The following COMMD10 variants were observed in gnomAD, a reference collection of about 807,000 sequenced individuals.
The protein encoded by COMMD10 is COMM domain containing 10, also known as COMM domain-containing protein 10.
A neutral mutation model predicts 28.9 loss-of-function variants in COMMD10; 33 were observed. The observed-to-expected ratio is 1.14, with a 90% CI of 0.87 to 1.53. The LOEUF is 1.53. Among genes scored for constraint, COMMD10 ranks in the 40% most tolerant of loss-of-function variants. COMMD10 has a pLI of 0.00. For synonymous variants in COMMD10, 110 were observed against 81.7 expected (o/e 1.35, Z -1.87); for missense variants, 310 against 233.4 (o/e 1.33, Z -2.14).
intron 5 of COMMD10, among the ~76,000 whole-genome samples, chr5:116,191,949 C>T (rs969069291): frequency 2.4e-4 from 36 of 150,144 alleles, no homozygotes; most frequent in African/African-American, 7.6e-4. Flanking sequence ...CTGGTATCTA[C>T]GGAGAAGAGA....
At chr5:116,256,537 G>T (rs1482492526) in intron 5 of COMMD10, among the ~76,000 whole-genome samples, 1 of 151,606 alleles carries the variant, frequency 6.6e-6, no homozygotes, top group Non-Finnish European at 1.5e-5. Context: ...TCAAGGATGG[G>T]CATTTTTCTC....
intron 4 of COMMD10, among the ~76,000 whole-genome samples, chr5:116,128,767 A>G (rs973041705): frequency 6.6e-6 from 1 of 151,988 alleles, no homozygotes; most frequent in Admixed American, 6.6e-5. Flanking sequence ...CTTTTAGGAC[A>G]TTGATATTTC....
rs904202171 is a variant in COMMD10, at chr5:116,152,472, C to T, written c.510+18294C>T. The stretch of plus-strand genomic sequence containing the variant: ...AAAATCTGGCTACTATATCATCATC[C>T]TCAATTTTAATACTTTGTATTTACT... On this transcript the variant is annotated intron_variant, in intron 5 of 6. Coordinates refer to ENST00000274458, the MANE Select transcript of COMMD10 (RefSeq NM_016144.4). Among the ~76,000 whole-genome samples the T allele has an allele frequency of 2.6e-5, 4 of 152,114 alleles. No individual in the cohort carries two copies. The East Asian group carries it at 5.8e-4, about 22-fold the overall frequency.
chr5:116,217,871 C>T (rs1749146622), intron 5 of COMMD10, among the ~76,000 whole-genome samples: 1 of 151,722 alleles, frequency 6.6e-6, no homozygotes, highest in Non-Finnish European at 1.5e-5. Context: ...GCCCCTTCCC[C>T]ACAAAACAAC....
At chr5:116,195,321 C>T (rs191923078) in intron 5 of COMMD10, among the ~76,000 whole-genome samples, 1 of 152,158 alleles carries the variant, frequency 6.6e-6, no homozygotes, top group Non-Finnish European at 1.5e-5. Context: ...CCAGAGCAGT[C>T]AGACAAGAGA....
At chr5:116,107,692 A>C (rs554662783) in intron 4 of COMMD10, among the ~76,000 whole-genome samples, 1 of 152,078 alleles carries the variant, frequency 6.6e-6, no homozygotes, top group Admixed American at 6.6e-5. Context: ...CAGTTCGTCA[A>C]ACTCGTTCTC....
chr5:116,245,103 GAA>G (rs2112667197), intron 5 of COMMD10, among the ~76,000 whole-genome samples: 1 of 150,806 alleles, frequency 6.6e-6, no homozygotes, highest in African/African-American at 2.4e-5. Flanking sequence ...TAATAAAGAA[GAA>G]AAGAGAATAT....
At chr5:116,118,025 G>T (rs919552690) in intron 4 of COMMD10, among the ~76,000 whole-genome samples, 1 of 152,102 alleles carries the variant, frequency 6.6e-6, no homozygotes, top group Non-Finnish European at 1.5e-5. Flanking sequence ...TACATGCCCT[G>T]TTGTCTCCTC....
intron 5 of COMMD10, among the ~76,000 whole-genome samples, chr5:116,144,366 A>G (rs952977073): frequency 2.0e-5 from 3 of 151,804 alleles, no homozygotes; most frequent in African/African-American, 2.4e-5. Context: ...AGAGAAGATA[A>G]TAATTCTCAC....
Position 116,274,506 on chromosome 5 carries a change from G to C in COMMD10, c.511-17011G>C, listed in dbSNP as rs1015579657. ...GACAGCAGGTCACACTTGGCCTGCGGACTATCAATCCCTGAGCTACATTTG... is the reference window on the plus strand; with the variant it reads ...GACAGCAGGTCACACTTGGCCTGCGCACTATCAATCCCTGAGCTACATTTG... On this transcript the variant is annotated intron_variant, in intron 5 of 6. Transcript: ENST00000274458. Among the ~76,000 whole-genome samples the C allele has an allele frequency of 5.3e-5, 8 of 151,792 alleles. 2 individuals are homozygous for C. The highest frequency in any genetic ancestry group is 1.9e-4 in the African/African-American group (8 of 41,138).
At chr5:116,151,584 G>T (rs554925278) in intron 5 of COMMD10, among the ~76,000 whole-genome samples, 6 of 152,098 alleles carry the variant, frequency 3.9e-5, no homozygotes, top group Non-Finnish European at 8.8e-5. Flanking sequence ...GTTTAATCTT[G>T]GGAGTGTATA....
At chr5:116,170,029 G>C (rs889161202) in intron 5 of COMMD10, among the ~76,000 whole-genome samples, 1 of 152,092 alleles carries the variant, frequency 6.6e-6, no homozygotes, top group African/African-American at 2.4e-5. Flanking sequence ...TATTCAAATA[G>C]GAAGAGAGGA....
chr5:116,261,759 C>G (rs1750452832), intron 5 of COMMD10, among the ~76,000 whole-genome samples: 1 of 151,676 alleles, frequency 6.6e-6, no homozygotes, highest in African/African-American at 2.4e-5. Flanking sequence ...TCAACTTAAA[C>G]TGTTCTTTTT....
intron 4 of COMMD10, among the ~76,000 whole-genome samples, chr5:116,104,592 C>T (rs1750774344): frequency 6.6e-6 from 1 of 152,064 alleles, no homozygotes; most frequent in South Asian, 2.1e-4. Context: ...CATCTGTAAA[C>T]ACAGACAATT....
At chr5:116,104,224 A>G (rs1750759212) in intron 4 of COMMD10, among the ~76,000 whole-genome samples, 1 of 152,238 alleles carries the variant, frequency 6.6e-6, no homozygotes, top group East Asian at 1.9e-4. Context: ...TTGAATCTAT[A>G]AATTACTTTG....
intron 4 of COMMD10, among the ~76,000 whole-genome samples, chr5:116,126,990 C>G (rs1020033113): frequency 6.6e-6 from 1 of 152,144 alleles, no homozygotes; most frequent in African/African-American, 2.4e-5. Flanking sequence ...GAACAGGCAA[C>G]CTACAGAATA....
At position 116,265,851 on chromosome 5, in the gene COMMD10, CTT is replaced by C. The variant is rs1580596822; in HGVS notation, c.511-25665_511-25664del. ...GCAGTTCGACACCAGAGATGACACT[CTT>C]AACCACTGTGCTATACTAAAATGAA... On this transcript the variant is annotated intron_variant, in intron 5 of 6. Transcript: ENST00000274458. Among the ~76,000 whole-genome samples, 2 of 151,876 alleles carry C rather than the reference CTT, an allele frequency of 1.3e-5. 1 individual carries two copies. The highest frequency in any genetic ancestry group is 4.8e-5 in the African/African-American group (2 of 41,252).
intron 4 of COMMD10, among the ~76,000 whole-genome samples, chr5:116,105,816 A>G (rs531716645): frequency 6.6e-6 from 1 of 152,074 alleles, no homozygotes; most frequent in Non-Finnish European, 1.5e-5. Context: ...CCCCTTTATC[A>G]TTTTCTATTG....
chr5:116,239,715 A>T (rs1360736868), intron 5 of COMMD10, among the ~76,000 whole-genome samples: 1 of 152,196 alleles, frequency 6.6e-6, no homozygotes, highest in Non-Finnish European at 1.5e-5. Context: ...CTATTTAAGC[A>T]TGTAAGGTGA....
Sources: gnomAD v4.1 joint callset for allele counts (sites outside exome capture counted in the v4.1 genomes callset) on GRCh38, gnomAD v4.1.1 for gene constraint, MANE v1.5 for transcripts, NCBI Gene and HGNC (gene_info 2026-07-23, HGNC 2026-07-21) for gene names.